The following DAAM2 variants were observed in gnomAD, a reference collection of about 807,000 sequenced individuals.
The protein encoded by DAAM2 is dishevelled associated activator of morphogenesis 2, also known as disheveled-associated activator of morphogenesis 2.
DAAM2 carries 39 observed loss-of-function variants against 120.7 expected under a neutral mutation model. The ratio of observed to expected loss-of-function variants is 0.32; its 90% CI spans 0.25 to 0.42. DAAM2 has a LOEUF of 0.42. Ranked by LOEUF, DAAM2 falls within the 10% of genes least tolerant of loss-of-function variation. The probability of loss-of-function intolerance (pLI) is 1.00; values close to 1 mark genes in which losing one functional copy is unlikely to be tolerated. For missense variants in DAAM2, 1,283 were observed against 1,401.7 expected, an observed-to-expected ratio of 0.92 and a Z score of 1.35; for synonymous variants, 488 against 524.9, an observed-to-expected ratio of 0.93 and a Z score of 0.96.
chr6:39,902,174 T>A lies in DAAM2; in HGVS notation c.*137T>A. On this transcript the variant is annotated 3_prime_UTR_variant, in exon 25 of 25. Coordinates refer to ENST00000274867, the MANE Select transcript of DAAM2 (RefSeq NM_001201427.2). ...CTGGGTCCTGGGATGGGGGGCTGTG[T>A]GTGGCTGGACCAGGTGTCTCCCCAC... 1.5e-6 allele frequency: 1 copy of A among 689,334 alleles called. No homozygotes were observed. The highest frequency in any genetic ancestry group is 2.3e-6 in the Non-Finnish European group (1 of 431,248). The allele number at this position is 689,334 out of a possible 1,614,324, so 42.7% of individuals were successfully genotyped here.
At chr6:39,846,631 G>A (rs1364522996) in intron 1 of DAAM2, among the ~76,000 whole-genome samples, 1 of 151,826 alleles carries the variant, frequency 6.6e-6, no homozygotes, top group Non-Finnish European at 1.5e-5. Flanking sequence ...ACCCCCGCTG[G>A]GCTACAGTTC....
At chr6:39,892,868 C>A (rs1280661092) in intron 19 of DAAM2, among the ~76,000 whole-genome samples, 1 of 152,136 alleles carries the variant, frequency 6.6e-6, no homozygotes, top group Non-Finnish European at 1.5e-5. Context: ...TGTTCCCCCT[C>A]ACACTACACA....
chr6:39,797,903 A>G lies in DAAM2; in HGVS notation c.-57+5438A>G, dbSNP rs148990157. The stretch of plus-strand genomic sequence containing the variant: ...AGATACCATAGATTAGAAGTTGTCA[A>G]TTTCAACAGTGAAACCCAGCTTGTC... On this transcript the variant is annotated intron_variant, in intron 1 of 24. Transcript: ENST00000274867. Among the ~76,000 whole-genome samples, 847 of 152,336 alleles carry G rather than the reference A, an allele frequency of 5.6e-3. 4 individuals are homozygous for G. The highest frequency in any genetic ancestry group is 7.9e-3 in the Non-Finnish European group (540 of 68,030).
At chr6:39,851,973 G>A (rs951607874) in intron 1 of DAAM2, among the ~76,000 whole-genome samples, 1 of 152,198 alleles carries the variant, frequency 6.6e-6, no homozygotes, top group African/African-American at 2.4e-5. Flanking sequence ...CTGGAGCCAC[G>A]AGAAGCGTTG....
chr6:39,875,065 A>T (rs1441220229), intron 10 of DAAM2, among the ~76,000 whole-genome samples: 1 of 152,216 alleles, frequency 6.6e-6, no homozygotes, highest in Non-Finnish European at 1.5e-5. Flanking sequence ...GAAGAAAGGC[A>T]GCCAGAAAGT....
chr6:39,811,730 C>G (rs919165131), intron 1 of DAAM2, among the ~76,000 whole-genome samples: 4 of 152,164 alleles, frequency 2.6e-5, no homozygotes, highest in African/African-American at 9.7e-5. Context: ...GGGCCATGGT[C>G]TGTTTGCCCA....
At chr6:39,877,748 G>C (rs1764928395) in intron 11 of DAAM2, among the ~76,000 whole-genome samples, 1 of 152,172 alleles carries the variant, frequency 6.6e-6, no homozygotes, top group African/African-American at 2.4e-5. Context: ...TGCTGGTGTG[G>C]GTGATGTCTC....
At chr6:39,846,217 C>A (rs1034243309) in intron 1 of DAAM2, among the ~76,000 whole-genome samples, 2 of 151,952 alleles carry the variant, frequency 1.3e-5, no homozygotes, top group Non-Finnish European at 2.9e-5. Flanking sequence ...CGTACCCAGC[C>A]CCAAGAGCAG....
Position 39,860,918 on chromosome 6 carries a change from G to A in DAAM2, c.169-10G>A. ...AGTGTCAGACGTATTTTTTCTTATT[G>A]TCTTTGCAGGATGAATTGGATCTCA... On this transcript the variant is annotated splice_polypyrimidine_tract_variant and intron_variant, in intron 2 of 24. Coordinates refer to ENST00000274867, the MANE Select transcript of DAAM2 (RefSeq NM_001201427.2). The A allele has an allele frequency of 1.9e-6, 3 of 1,609,334 alleles. No individual in the cohort carries two copies. Among genetic ancestry groups the A allele is most frequent in the Non-Finnish European group, 2.5e-6 (3 of 1,177,392 alleles).
At chr6:39,858,879 G>A (rs1483000267) in intron 2 of DAAM2, among the ~76,000 whole-genome samples, 1 of 152,094 alleles carries the variant, frequency 6.6e-6, no homozygotes, top group Non-Finnish European at 1.5e-5. Flanking sequence ...GATAGAAGAG[G>A]AGAAGTCATC....
At chr6:39,891,519 A>G (rs1765717536) in intron 18 of DAAM2, 72 bp downstream of exon 18, 1 of 1,513,508 alleles carries the variant, frequency 6.6e-7, no homozygotes, top group African/African-American at 1.4e-5. Flanking sequence ...GGCTCTGCCA[A>G]GAGGAAGGGG....
At chr6:39,883,184 CTTTTTT>C (rs34461870) in intron 14 of DAAM2, among the ~76,000 whole-genome samples, 1 of 141,598 alleles carries the variant, frequency 7.1e-6, no homozygotes, top group East Asian at 2.1e-4. Flanking sequence ...ACTGCCAGGG[CTTTTTT>C]TTTTTTTTTT....
At chr6:39,876,931 C>T (rs1421336592) in intron 11 of DAAM2, among the ~76,000 whole-genome samples, 1 of 152,154 alleles carries the variant, frequency 6.6e-6, no homozygotes, top group Non-Finnish European at 1.5e-5. Flanking sequence ...TAAACAGGCT[C>T]CCTGCTCTCT....
At chr6:39,895,547 G>A (rs750480236) in intron 19 of DAAM2, among the ~76,000 whole-genome samples, 1 of 152,116 alleles carries the variant, frequency 6.6e-6, no homozygotes, top group Non-Finnish European at 1.5e-5. Flanking sequence ...AACTGTGTTC[G>A]AAGCTTTCTA....
chr6:39,860,835 T>C, intron 2 of DAAM2, 93 bp from the exon 3 acceptor site: 1 of 986,022 alleles, frequency 1.0e-6, no homozygotes, highest in Non-Finnish European at 1.5e-6. Flanking sequence ...CCTGAGGAAC[T>C]GATTTGGGGG....
At chr6:39,839,093 T>TTTTTTTTG (rs1225522618) in intron 1 of DAAM2, among the ~76,000 whole-genome samples, 2 of 152,296 alleles carry the variant, frequency 1.3e-5, no homozygotes, top group African/African-American at 4.8e-5. Flanking sequence ...AGGCATTGTT[T>TTTTTTTTG]TTTTTTTGTT....
At chr6:39,823,379 C>T (rs180979178) in intron 1 of DAAM2, among the ~76,000 whole-genome samples, 1 of 152,270 alleles carries the variant, frequency 6.6e-6, no homozygotes, top group Admixed American at 6.5e-5. Flanking sequence ...ATCTTCCAAC[C>T]TGCTGGTCTC....
At chr6:39,801,064 T>G (rs1761848409) in intron 1 of DAAM2, among the ~76,000 whole-genome samples, 1 of 152,204 alleles carries the variant, frequency 6.6e-6, no homozygotes, top group Non-Finnish European at 1.5e-5. Flanking sequence ...TCCTTCCTCA[T>G]GGGGTTGTTG....
intron 5 of DAAM2, among the ~76,000 whole-genome samples, chr6:39,866,460 G>A (rs1021583594): frequency 7.9e-5 from 12 of 152,182 alleles, no homozygotes; most frequent in African/African-American, 2.7e-4. Flanking sequence ...ATACGCTTGG[G>A]ATAAGTAATG....
Sources: allele counts gnomAD v4.1 joint callset (sites outside exome capture counted in the v4.1 genomes callset), GRCh38; gene constraint gnomAD v4.1.1; transcripts MANE v1.5; gene names NCBI Gene and HGNC (gene_info 2026-07-23, HGNC 2026-07-21).